XKR6: variants seen among roughly 807,000 people sequenced by gnomAD.
The protein encoded by XKR6 is XK related 6.
A neutral mutation model predicts 56.7 loss-of-function variants in XKR6; 22 were observed. The observed-to-expected ratio is 0.39, with a 90% confidence interval of 0.28 to 0.55. XKR6 has a LOEUF of 0.55. Ranked by LOEUF, XKR6 falls within the 20% of genes least tolerant of loss-of-function variation. The pLI is 0.66. For missense variants in XKR6, 852 were observed against 889.0 expected (o/e 0.96, Z 0.53); for synonymous variants, 524 against 387.8 (o/e 1.35, Z -4.13).
chr8:11,093,135 A>G (rs1798135571), intron 1 of XKR6, among the ~76,000 whole-genome samples: 5 of 148,266 alleles, frequency 3.4e-5, no homozygotes, highest in Admixed American at 3.3e-4. Context: ...GGCTCACTGC[A>G]ACCTCCACCT....
chr8:11,080,019 AAAAAT>A (rs545769850), intron 1 of XKR6, among the ~76,000 whole-genome samples: 233 of 152,272 alleles, frequency 1.5e-3, no homozygotes, highest in African/African-American at 5.3e-3. Context: ...AATAAAGTTG[AAAAAT>A]AAAATAATCA....
At chr8:11,166,926 T>C (rs892489665) in intron 1 of XKR6, among the ~76,000 whole-genome samples, 2 of 152,110 alleles carry the variant, frequency 1.3e-5, no homozygotes, top group African/African-American at 4.8e-5. Context: ...AGCTAATAAC[T>C]ATACCAAAAA....
intron 2 of XKR6, among the ~76,000 whole-genome samples, chr8:10,909,547 T>A (rs1282945860): frequency 6.6e-6 from 1 of 152,210 alleles, no homozygotes; most frequent in Non-Finnish European, 1.5e-5. Flanking sequence ...TGGAATTACA[T>A]GCAAAACTGT....
intron 1 of XKR6, among the ~76,000 whole-genome samples, chr8:11,162,069 T>C (rs1399325318): frequency 6.6e-6 from 1 of 152,148 alleles, no homozygotes; most frequent in African/African-American, 2.4e-5. Context: ...GTAAAAAAAC[T>C]GACCCAGAGA....
At position 10,935,544 on chromosome 8, in the gene XKR6, T is replaced by C. The variant is rs1586324733; in HGVS notation, c.765-10714A>G. Among the ~76,000 whole-genome samples, 11 of 145,602 alleles carry C rather than the reference T, an allele frequency of 7.6e-5. No individual in the cohort carries two copies. In the South Asian group the frequency reaches 2.5e-3, roughly 33 times the overall value. Reference sequence around the variant, plus strand: ...TTTCTCTTGTGGGCATTTAGTGCTATAAATTTCCCTCTACACACTGCTTTG... The same window carrying C: ...TTTCTCTTGTGGGCATTTAGTGCTACAAATTTCCCTCTACACACTGCTTTG... On this transcript the variant is annotated intron_variant, in intron 1 of 2. Transcript: ENST00000416569.
intron 1 of XKR6, among the ~76,000 whole-genome samples, chr8:11,162,912 T>G (rs1035094504): frequency 6.6e-6 from 1 of 152,262 alleles, no homozygotes; most frequent in Non-Finnish European, 1.5e-5. Flanking sequence ...ACAGAAATTT[T>G]TGCTAATTCA....
At chr8:11,163,753 G>A (rs1801938208) in intron 1 of XKR6, among the ~76,000 whole-genome samples, 2 of 152,142 alleles carry the variant, frequency 1.3e-5, no homozygotes, top group South Asian at 4.1e-4. Flanking sequence ...CTTCCTCTGA[G>A]GTAAATGTAT....
At chr8:11,151,722 C>T (rs1014276555) in intron 1 of XKR6, among the ~76,000 whole-genome samples, 5 of 151,534 alleles carry the variant, frequency 3.3e-5, no homozygotes, top group African/African-American at 1.2e-4. Context: ...TTTTCTCAAG[C>T]TTGTTCAATA....
chr8:11,047,811 T>C (rs1243989115), intron 1 of XKR6, among the ~76,000 whole-genome samples: 1 of 152,204 alleles, frequency 6.6e-6, no homozygotes, highest in Non-Finnish European at 1.5e-5. Context: ...AAATTGGCCT[T>C]AACAACAGTG....
intron 1 of XKR6, among the ~76,000 whole-genome samples, chr8:10,976,130 C>T (rs1429708002): frequency 6.6e-6 from 1 of 151,800 alleles, no homozygotes; most frequent in Non-Finnish European, 1.5e-5. Context: ...GAGCCGAGAT[C>T]GTGCCACTGC....
At chr8:10,959,015 G>A (rs1188791514) in intron 1 of XKR6, among the ~76,000 whole-genome samples, 3 of 152,238 alleles carry the variant, frequency 2.0e-5, no homozygotes, top group Non-Finnish European at 2.9e-5. Flanking sequence ...CAGACCGGGG[G>A]AAACCCTGCA....
At chr8:11,126,375 G>A (rs766353052) in intron 1 of XKR6, among the ~76,000 whole-genome samples, 8 of 151,988 alleles carry the variant, frequency 5.3e-5, no homozygotes, top group Non-Finnish European at 1.0e-4. Context: ...CTACTTTGGC[G>A]TTTTTTAAGT....
At chr8:10,952,151 C>T (rs1801746126) in intron 1 of XKR6, among the ~76,000 whole-genome samples, 2 of 152,204 alleles carry the variant, frequency 1.3e-5, no homozygotes, top group Admixed American at 1.3e-4. Flanking sequence ...CAGGCCTCAG[C>T]CCACCTGCCT....
At chr8:11,111,742 T>C (rs1798904868) in intron 1 of XKR6, 1 of 152,164 alleles carries the variant, frequency 6.6e-6, no homozygotes, top group Admixed American at 6.5e-5. Context: ...TATCTGTTAT[T>C]AGATATACTT....
intron 1 of XKR6, among the ~76,000 whole-genome samples, chr8:10,959,409 T>A (rs1451431736): frequency 6.6e-6 from 1 of 152,194 alleles, no homozygotes; most frequent in Non-Finnish European, 1.5e-5. Context: ...CTGGTTGCTA[T>A]AACAAAATAC....
intron 1 of XKR6, among the ~76,000 whole-genome samples, chr8:10,962,968 C>G (rs1183131213): frequency 1.3e-5 from 2 of 152,198 alleles, no homozygotes; most frequent in Non-Finnish European, 2.9e-5. Flanking sequence ...GTTGTGGCCC[C>G]TTTTTGAATC....
intron 1 of XKR6, among the ~76,000 whole-genome samples, chr8:11,153,897 G>A (rs1023675881): frequency 1.3e-5 from 2 of 152,150 alleles, no homozygotes; most frequent in Non-Finnish European, 2.9e-5. Flanking sequence ...ACCATTACCA[G>A]GGGTGAAACG....
intron 1 of XKR6, among the ~76,000 whole-genome samples, chr8:11,157,988 A>G (rs10092793): frequency 0.065 from 9,905 of 152,260 alleles, 367 homozygotes; most frequent in South Asian, 0.097. Flanking sequence ...CTGTTGAGTC[A>G]ATTGCAATTA....
chr8:10,964,112 A>G (rs1375163102), intron 1 of XKR6, among the ~76,000 whole-genome samples: 1 of 152,158 alleles, frequency 6.6e-6, no homozygotes, highest in East Asian at 1.9e-4. Context: ...TTCAGCTCTG[A>G]GAATCTTCTC....
Sources: allele counts gnomAD v4.1 joint callset (sites outside exome capture counted in the v4.1 genomes callset), GRCh38; gene constraint gnomAD v4.1.1; transcripts MANE v1.5; gene names NCBI Gene and HGNC (gene_info 2026-07-23, HGNC 2026-07-21).